The following LPP variants were observed in gnomAD, a reference collection of about 807,000 sequenced individuals.
The protein encoded by LPP is lipoma-preferred partner.
Under a neutral mutation model 60.4 loss-of-function variants are expected in LPP, and 38 were observed. The observed-to-expected ratio is 0.63, with a 90% CI of 0.49 to 0.83. LPP has a LOEUF of 0.83. Among genes scored for constraint, LPP ranks in the 40% least tolerant of loss-of-function variants. The pLI is 0.00. For missense variants in LPP, 902 were observed against 783.6 expected (o/e 1.15, Z -1.80); for synonymous variants, 328 against 290.8 (o/e 1.13, Z -1.30).
At chr3:188,639,989 A>T (rs1849714957) in intron 7 of LPP, among the ~76,000 whole-genome samples, 1 of 152,114 alleles carries the variant, frequency 6.6e-6, no homozygotes, top group Non-Finnish European at 1.5e-5. Flanking sequence ...AACTAGAAAT[A>T]CCATTTGACC....
intron 8 of LPP, 128 bp from the exon 9 acceptor site, chr3:188,759,985 G>A (rs1731628823): frequency 1.4e-6 from 1 of 713,228 alleles, no homozygotes; most frequent in Non-Finnish European, 2.4e-6. Context: ...TAATAGTACT[G>A]GGGTAATGAC....
Position 188,700,136 on chromosome 3 carries a change from G to T in LPP, c.1114-8131G>T, listed in dbSNP as rs143025296. On this transcript the variant is annotated intron_variant, in intron 7 of 11. Transcript: ENST00000617246. ...CACTACAAATGGACAAGAAAAATGA[G>T]CAGCTCTGGTACCCAGAGTGATAGA... Among the ~76,000 whole-genome samples, 103 of 152,176 alleles carry T rather than the reference G, an allele frequency of 6.8e-4. 3 individuals carry two copies. The East Asian group carries it at 0.013, about 20-fold the overall frequency.
intron 2 of LPP, among the ~76,000 whole-genome samples, chr3:188,300,174 CT>C (rs150945410): frequency 3.3e-5 from 5 of 151,774 alleles, no homozygotes; most frequent in Non-Finnish European, 7.4e-5. Flanking sequence ...AATCTGTTCT[CT>C]TTTTTTAAGA....
At chr3:188,595,195 G>T (rs1839750435) in intron 6 of LPP, among the ~76,000 whole-genome samples, 1 of 148,804 alleles carries the variant, frequency 6.7e-6, no homozygotes, top group African/African-American at 2.4e-5. Flanking sequence ...TGAAACCCAA[G>T]AAACAATATA....
intron 8 of LPP, among the ~76,000 whole-genome samples, chr3:188,730,302 A>G (rs532695894): frequency 6.6e-6 from 1 of 152,304 alleles, no homozygotes; most frequent in East Asian, 1.9e-4. Context: ...GATGAAGCAA[A>G]TGGTGCCCAG....
chr3:188,306,686 A>G (rs1021611563), intron 2 of LPP, among the ~76,000 whole-genome samples: 1 of 152,034 alleles, frequency 6.6e-6, no homozygotes, highest in African/African-American at 2.4e-5. Flanking sequence ...CGTGGTGGGG[A>G]ATGGGAGGTG....
chr3:188,764,976 A>G (rs1560174491), intron 9 of LPP, among the ~76,000 whole-genome samples: 1 of 152,162 alleles, frequency 6.6e-6, no homozygotes. Context: ...ATTAGTGACC[A>G]ACACACTAGC....
chr3:188,731,887 C>G (rs1404786311), intron 8 of LPP, among the ~76,000 whole-genome samples: 3 of 152,132 alleles, frequency 2.0e-5, no homozygotes. Flanking sequence ...CTTTTTCCTA[C>G]TTCCCTATCT....
intron 9 of LPP, among the ~76,000 whole-genome samples, chr3:188,774,460 C>CT (rs201410132): frequency 0.017 from 2,543 of 151,816 alleles, 63 homozygotes; most frequent in African/African-American, 0.058. Context: ...TTCTTTGTGT[C>CT]TTTTTTTCCC....
At chr3:188,264,623 ACT>A (rs1027760550) in intron 2 of LPP, among the ~76,000 whole-genome samples, 8 of 152,030 alleles carry the variant, frequency 5.3e-5, no homozygotes, top group Admixed American at 1.3e-4. Flanking sequence ...GTTTTCTGAA[ACT>A]CTGTTTGTCA....
intron 4 of LPP, among the ~76,000 whole-genome samples, chr3:188,428,640 G>A (rs1398095530): frequency 6.7e-6 from 1 of 149,916 alleles, no homozygotes; most frequent in Non-Finnish European, 1.5e-5. Context: ...TGCTAAGGTA[G>A]GCCAATCTCT....
At chr3:188,497,296 G>A (rs1222062884) in intron 5 of LPP, among the ~76,000 whole-genome samples, 1 of 151,776 alleles carries the variant, frequency 6.6e-6, no homozygotes, top group Non-Finnish European at 1.5e-5. Flanking sequence ...CCGTAGAGGT[G>A]GTATGATAGT....
rs71169028 is a variant in LPP at position 188,883,732 on chromosome 3, C to CAA, written c.*9274_*9275dup. ...TGGGCGACAGAACGAGACTCCGTCT[C>CAA]AAAAAAAAAAAAAAAAAAAAAAGGT... On this transcript the variant is annotated 3_prime_UTR_variant, in exon 12 of 12. Transcript: ENST00000617246. The CAA allele has an allele frequency of 0.018, 1,279 of 70,112 alleles. 70 individuals carry two copies. The highest frequency in any genetic ancestry group is 0.069 in the African/African-American group (986 of 14,212). 4.3% of individuals were successfully genotyped at this position (70,112 alleles called of 1,614,324 possible).
chr3:188,437,947 G>T (rs1413882913), intron 4 of LPP, among the ~76,000 whole-genome samples: 2 of 152,090 alleles, frequency 1.3e-5, no homozygotes, highest in African/African-American at 2.4e-5. Context: ...AAGCACTTGG[G>T]GGCCAAAAGG....
chr3:188,726,992 T>G (rs150380854), intron 8 of LPP, among the ~76,000 whole-genome samples: 214 of 152,308 alleles, frequency 1.4e-3, no homozygotes, highest in African/African-American at 4.4e-3. Flanking sequence ...TCTCTTAGTT[T>G]AGGCAGAAAA....
At chr3:188,684,254 A>G (rs779266563) in intron 7 of LPP, among the ~76,000 whole-genome samples, 3 of 152,260 alleles carry the variant, frequency 2.0e-5, no homozygotes, top group Non-Finnish European at 2.9e-5. Flanking sequence ...ATCAAGTTCC[A>G]TGTACAACAG....
intron 9 of LPP, among the ~76,000 whole-genome samples, chr3:188,848,178 T>G (rs574282518): frequency 1.3e-5 from 2 of 152,380 alleles, no homozygotes; most frequent in Admixed American, 6.5e-5. Flanking sequence ...TGATCTTATC[T>G]AATTGTTATG....
chr3:188,365,131 T>TTC (rs1327216407), intron 3 of LPP, among the ~76,000 whole-genome samples: 3 of 147,414 alleles, frequency 2.0e-5, no homozygotes. Flanking sequence ...TTTTTTTTTT[T>TTC]CTGGTGACCT....
chr3:188,720,498 A>G (rs997211591), intron 8 of LPP, among the ~76,000 whole-genome samples: 1 of 152,034 alleles, frequency 6.6e-6, no homozygotes, highest in African/African-American at 2.4e-5. Context: ...ACAGGCATAC[A>G]TCTTCCTGGT....
Sources: gnomAD v4.1 joint callset for allele counts (sites outside exome capture counted in the v4.1 genomes callset) on GRCh38, gnomAD v4.1.1 for gene constraint, MANE v1.5 for transcripts, NCBI Gene and HGNC (gene_info 2026-07-23, HGNC 2026-07-21) for gene names.